Variants in MYPN observed in about 807,000 individuals in gnomAD.
The protein encoded by MYPN is myopalladin.
Under a neutral mutation model 129.4 loss-of-function variants are expected in MYPN, and 63 were observed. That is an observed-to-expected ratio of 0.49 (90% CI 0.40 to 0.60). The LOEUF is 0.60. Ranked by LOEUF, MYPN falls within the 20% of genes least tolerant of loss-of-function variation. The pLI, the probability that MYPN is intolerant of heterozygous loss-of-function variation, is 0.00. For missense variants in MYPN, 1,596 were observed against 1,635.4 expected (o/e 0.98, Z 0.42); for synonymous variants, 629 against 600.9 (o/e 1.05, Z -0.68).
At chr10:68,163,286 C>A (rs555691371) in intron 8 of MYPN, among the ~76,000 whole-genome samples, 30 of 151,950 alleles carry the variant, frequency 2.0e-4, no homozygotes, top group African/African-American at 7.0e-4. Context: ...CAGAGCAAGA[C>A]CTTGTCTCAA....
At chr10:68,123,464 C>G (rs910388880) in intron 2 of MYPN, among the ~76,000 whole-genome samples, 11 of 148,764 alleles carry the variant, frequency 7.4e-5, no homozygotes, top group Non-Finnish European at 1.2e-4. Context: ...ATCACGAGGT[C>G]AGGAGATCGA....
intron 6 of MYPN, among the ~76,000 whole-genome samples, chr10:68,152,931 G>A (rs377376709): frequency 2.5e-4 from 37 of 150,830 alleles, no homozygotes; most frequent in African/African-American, 7.1e-4. Context: ...CACCACACCC[G>A]GCTAACATTT....
chr10:68,158,500 G>T lies in MYPN; in HGVS notation c.1332G>T (p.Leu444Phe). ...TATCATTATAGATGCTACAAAATTT[G>T]TCAGCTTCTGAGGGTCAGCTGGTTG... ...APVFTKMLQN[L>F]SASEGQLVVF... The change falls in exon 7 of 20, where the codon TTG becomes TTT. Residue 444 changes from leucine (L) to phenylalanine (F), a missense_variant. Transcript: ENST00000358913. 1 of 1,613,900 alleles carries T rather than the reference G, an allele frequency of 6.2e-7. No individual in the cohort carries two copies. Among genetic ancestry groups the T allele is most frequent in the East Asian group, 2.2e-5 (1 of 44,858 alleles).
At position 68,174,320 on chromosome 10, in the gene MYPN, C is replaced by T. The variant is rs138583865; in HGVS notation, c.2228C>T (p.Pro743Leu). Reference sequence around the variant, plus strand: ...GCAACTGTGGCCCCTTCCAGCTCTCCGGTGTTCACTTTGAGCAGCACTCCT... The same window carrying T: ...GCAACTGTGGCCCCTTCCAGCTCTCTGGTGTTCACTTTGAGCAGCACTCCT... ...TAATVAPSSS[P>L]VFTLSSTPQT... The change falls in exon 11 of 20, where the codon CCG becomes CTG. Residue 743 changes from proline to leucine, a missense_variant. Physicochemically the swap from Pro to Leu is moderately conservative, Grantham distance 98. Transcript: ENST00000358913. The T allele has an allele frequency of 2.0e-4, 323 of 1,614,146 alleles. No homozygotes were observed. The African/African-American group carries it at 2.0e-3, about 10-fold the overall frequency.
At chr10:68,169,118 G>T (rs1236035336) in intron 10 of MYPN, among the ~76,000 whole-genome samples, 12 of 149,944 alleles carry the variant, frequency 8.0e-5, no homozygotes, top group Middle Eastern at 3.4e-3. Context: ...GGCCAAGGCG[G>T]GCGGATCACG....
intron 2 of MYPN, among the ~76,000 whole-genome samples, chr10:68,131,279 C>G (rs1439790074): frequency 6.6e-6 from 1 of 151,486 alleles, no homozygotes; most frequent in Non-Finnish European, 1.5e-5. Context: ...GTCTCAGTTA[C>G]TTGGGAGGCT....
intron 12 of MYPN, among the ~76,000 whole-genome samples, chr10:68,179,482 T>C (rs554697109): frequency 6.6e-6 from 1 of 152,266 alleles, no homozygotes; most frequent in East Asian, 1.9e-4. Flanking sequence ...CCCACGACTA[T>C]GGGATTTACA....
chr10:68,185,245 AAAGG>A, intron 12 of MYPN, among the ~76,000 whole-genome samples: 1 of 151,748 alleles, frequency 6.6e-6, no homozygotes. Context: ...AAAGGAAAGG[AAAGG>A]AAAAAAGAAA....
intron 17 of MYPN, 30 bp from the exon 18 acceptor site, chr10:68,201,787 AAAAAAAAGAAAG>A (rs2043717164): frequency 1.2e-6 from 2 of 1,607,904 alleles, no homozygotes; most frequent in Non-Finnish European, 1.7e-6. Flanking sequence ...TCTCAAAAAA[AAAAAAAAGAAAG>A]AAAAAAAGAA....
At chr10:68,180,331 A>G (rs182151287) in intron 12 of MYPN, among the ~76,000 whole-genome samples, 2 of 152,258 alleles carry the variant, frequency 1.3e-5, no homozygotes, top group East Asian at 3.9e-4. Flanking sequence ...GACTACAGGC[A>G]CGTGCCACTA....
chr10:68,204,341 C>G (rs567650113), intron 18 of MYPN, among the ~76,000 whole-genome samples: 1 of 152,214 alleles, frequency 6.6e-6, no homozygotes. Flanking sequence ...CACTAAACTA[C>G]AGCAATAGCA....
rs527349988 is a variant in MYPN, at chr10:68,172,209, G to T, written c.1974-1857G>T. Among the ~76,000 whole-genome samples the T allele has an allele frequency of 1.0e-3, 155 of 152,156 alleles. 2 individuals are homozygous for T. In the Middle Eastern group the frequency reaches 0.034, roughly 33 times the overall value. ...AACTCTACAAAAAATATAAAAAATT[G>T]CTGGGTGTGGAGGCACGCACCTGTG... On this transcript the variant is annotated intron_variant, in intron 10 of 19. Transcript: ENST00000358913.
chr10:68,182,254 CATATATATATAACATATATATA>C (rs2043326760), intron 12 of MYPN, among the ~76,000 whole-genome samples: 1 of 108,112 alleles, frequency 9.2e-6, no homozygotes, highest in African/African-American at 3.4e-5. Context: ...ATATAACACA[CATATATATATAACATATATATA>C]ACACACATAT....
intron 9 of MYPN, among the ~76,000 whole-genome samples, 160 bp downstream of exon 9, chr10:68,165,978 T>A (rs969469078): frequency 6.6e-6 from 1 of 152,186 alleles, no homozygotes; most frequent in Non-Finnish European, 1.5e-5. Context: ...AGTGTCCAAT[T>A]TTCAACTTCT....
intron 3 of MYPN, 88 bp from the exon 4 acceptor site, chr10:68,145,387 A>G (rs1295364585): frequency 7.6e-6 from 8 of 1,052,248 alleles, no homozygotes; most frequent in East Asian, 2.4e-5. Context: ...TAAACAAAGT[A>G]TCATCTTAAA....
chr10:68,192,628 A>C (rs947239387), intron 13 of MYPN, among the ~76,000 whole-genome samples: 1 of 152,140 alleles, frequency 6.6e-6, no homozygotes, highest in Non-Finnish European at 1.5e-5. Context: ...TCAACAGTGA[A>C]TCCATTAGGC....
chr10:68,124,929 C>G (rs536534138), intron 2 of MYPN, among the ~76,000 whole-genome samples: 1 of 152,306 alleles, frequency 6.6e-6, no homozygotes, highest in East Asian at 1.9e-4. Context: ...ATGACAGCTA[C>G]TACTCAGCAG....
intron 12 of MYPN, among the ~76,000 whole-genome samples, chr10:68,182,445 T>C (rs1564687212): frequency 9.8e-6 from 1 of 101,956 alleles, no homozygotes; most frequent in African/African-American, 3.7e-5. Context: ...ATATAACATA[T>C]ATATAACATA....
chr10:68,121,474 AT>A lies in MYPN; in HGVS notation c.37del (p.Ser13LeufsTer4). 1 of 1,613,412 alleles carries A rather than the reference AT, an allele frequency of 6.2e-7. No individual in the cohort carries two copies. Among genetic ancestry groups the A allele is most frequent in the Non-Finnish European group, 8.5e-7 (1 of 1,179,606 alleles). On this transcript the variant is annotated frameshift_variant, in exon 2 of 20. Coordinates refer to ENST00000358913, the MANE Select transcript of MYPN (RefSeq NM_032578.4). LOFTEE classifies it high-confidence loss of function. ...DDSIEASTSI[S>X]QLLRESYLAE... The stretch of plus-strand genomic sequence containing the variant: ...ACAGCATAGAAGCTTCTACTTCCAT[AT>A]CTCAGCTTCTAAGAGAGAGCTATTT...
Sources: gnomAD v4.1 joint callset for allele counts (sites outside exome capture counted in the v4.1 genomes callset) on GRCh38, gnomAD v4.1.1 for gene constraint, MANE v1.5 for transcripts, NCBI Gene and HGNC (gene_info 2026-07-23, HGNC 2026-07-21) for gene names.